The following KCNIP1 variants were observed in gnomAD, a reference collection of about 807,000 sequenced individuals.
KCNIP1 encodes potassium voltage-gated channel interacting protein 1.
A neutral mutation model predicts 33.0 loss-of-function variants in KCNIP1; 18 were observed. The ratio of observed to expected loss-of-function variants is 0.55; its 90% CI spans 0.38 to 0.81. The LOEUF is 0.81. Among genes scored for constraint, KCNIP1 ranks in the 30% least tolerant of loss-of-function variants. The pLI is 0.00. For synonymous variants in KCNIP1, 93 were observed against 98.3 expected (o/e 0.95, Z 0.32); for missense variants, 238 against 271.6 (o/e 0.88, Z 0.87).
chr5:170,503,975 T>G, upstream of KCNIP1: 76 of 646,478 alleles, frequency 1.2e-4, no homozygotes, highest in South Asian at 2.2e-4. Context: ...CGCCCCTCCG[T>G]AGTTGCCCGC....
At chr5:170,574,748 C>T (rs1757537132) in intron 1 of KCNIP1, among the ~76,000 whole-genome samples, 1 of 152,170 alleles carries the variant, frequency 6.6e-6, no homozygotes, top group African/African-American at 2.4e-5. Context: ...GGCCAGGACG[C>T]CATCCCATGG....
intron 1 of KCNIP1, among the ~76,000 whole-genome samples, chr5:170,711,727 T>C (rs10065880): frequency 0.14 from 20,567 of 152,126 alleles, 1,783 homozygotes; most frequent in African/African-American, 0.25. Context: ...AAATAAAGTA[T>C]ATTTATAAAA....
At chr5:170,526,579 A>G (rs768468549) in intron 1 of KCNIP1, among the ~76,000 whole-genome samples, 2 of 152,150 alleles carry the variant, frequency 1.3e-5, no homozygotes, top group Non-Finnish European at 2.9e-5. Context: ...GGAGTCACCA[A>G]TACAACTCAG....
At position 170,668,051 on chromosome 5, in the gene KCNIP1, G is replaced by A. The variant is rs1012034074; in HGVS notation, c.62-50707G>A. Among the ~76,000 whole-genome samples the A allele has an allele frequency of 3.3e-5, 5 of 152,314 alleles. No homozygotes were observed. The East Asian group carries it at 9.7e-4, about 29-fold the overall frequency. The stretch of plus-strand genomic sequence containing the variant: ...AAGGATCACACTGGCCACTTTCACA[G>A]GTTTTATCCCTAAAGGAAATCACAG... On this transcript the variant is annotated intron_variant, in intron 1 of 7. Transcript: ENST00000328939.
At chr5:170,726,885 T>C (rs1240556154) in intron 5 of KCNIP1, among the ~76,000 whole-genome samples, 1 of 151,822 alleles carries the variant, frequency 6.6e-6, no homozygotes, top group Non-Finnish European at 1.5e-5. Flanking sequence ...CACTCCAGCC[T>C]GGGTGACAGA....
chr5:170,671,539 G>A (rs1761922143), intron 1 of KCNIP1, among the ~76,000 whole-genome samples: 1 of 152,142 alleles, frequency 6.6e-6, no homozygotes, highest in South Asian at 2.1e-4. Context: ...TCTTTATGCT[G>A]TCATGGCCCT....
chr5:170,506,795 C>T (rs951148360), intron 1 of KCNIP1, among the ~76,000 whole-genome samples: 5 of 152,224 alleles, frequency 3.3e-5, no homozygotes, highest in Admixed American at 2.0e-4. Flanking sequence ...GGGCACTCAG[C>T]CCTTCCTGCA....
intron 1 of KCNIP1, among the ~76,000 whole-genome samples, chr5:170,550,105 T>C (rs1756553600): frequency 6.6e-6 from 1 of 152,136 alleles, no homozygotes; most frequent in Non-Finnish European, 1.5e-5. Flanking sequence ...CCTCAAATTG[T>C]TGGATCACAG....
At chr5:170,485,512 A>T (rs1757069354) in intron 1 of KCNIP1, among the ~76,000 whole-genome samples, 1 of 152,144 alleles carries the variant, frequency 6.6e-6, no homozygotes, top group Non-Finnish European at 1.5e-5. Context: ...CACATGGCCC[A>T]CCTTCAGGGT....
At chr5:170,556,148 G>A (rs933445804) in intron 1 of KCNIP1, among the ~76,000 whole-genome samples, 5 of 152,220 alleles carry the variant, frequency 3.3e-5, no homozygotes, top group African/African-American at 1.2e-4. Flanking sequence ...TATGAAGTAG[G>A]TGTTATTATC....
At chr5:170,553,502 T>G in intron 1 of KCNIP1, among the ~76,000 whole-genome samples, 1 of 152,196 alleles carries the variant, frequency 6.6e-6, no homozygotes, top group Non-Finnish European at 1.5e-5. Flanking sequence ...CATGTTCTTC[T>G]AGGCTGTACA....
At chr5:170,613,160 ATC>A (rs1759239177) in intron 1 of KCNIP1, among the ~76,000 whole-genome samples, 1 of 152,080 alleles carries the variant, frequency 6.6e-6, no homozygotes. Flanking sequence ...TCCAGCTTAA[ATC>A]TCTCTCCATG....
At chr5:170,708,757 G>A (rs1473949907) in intron 1 of KCNIP1, among the ~76,000 whole-genome samples, 2 of 152,158 alleles carry the variant, frequency 1.3e-5, no homozygotes, top group African/African-American at 4.8e-5. Flanking sequence ...AAACTAGCCA[G>A]GCATGGTGAC....
chr5:170,497,347 T>A (rs1182811345), intron 1 of KCNIP1, among the ~76,000 whole-genome samples: 3 of 152,154 alleles, frequency 2.0e-5, no homozygotes, highest in Non-Finnish European at 4.4e-5. Context: ...GTACCTATTT[T>A]ATAGATGTTG....
intron 1 of KCNIP1, among the ~76,000 whole-genome samples, chr5:170,697,299 G>A (rs1762929894): frequency 6.6e-6 from 1 of 152,114 alleles, no homozygotes; most frequent in South Asian, 2.1e-4. Flanking sequence ...GTGATTCTTA[G>A]GTTAAGTCCC....
At chr5:170,612,325 A>C (rs2113619074) in intron 1 of KCNIP1, among the ~76,000 whole-genome samples, 1 of 152,354 alleles carries the variant, frequency 6.6e-6, no homozygotes, top group Admixed American at 6.5e-5. Context: ...CAAAATGCCT[A>C]GCAAGCTCTC....
intron 1 of KCNIP1, among the ~76,000 whole-genome samples, chr5:170,480,393 A>G (rs1338364448): frequency 1.3e-5 from 2 of 152,204 alleles, no homozygotes; most frequent in Non-Finnish European, 2.9e-5. Flanking sequence ...CTAAGAATAT[A>G]AAAGTCCGTG....
chr5:170,629,670 C>T (rs1759975890), intron 1 of KCNIP1, among the ~76,000 whole-genome samples: 1 of 152,174 alleles, frequency 6.6e-6, no homozygotes, highest in Non-Finnish European at 1.5e-5. Flanking sequence ...CATCAGCATT[C>T]AGGCCTGGCC....
At chr5:170,699,889 C>G (rs562541569) in intron 1 of KCNIP1, among the ~76,000 whole-genome samples, 9 of 152,316 alleles carry the variant, frequency 5.9e-5, no homozygotes, top group Admixed American at 5.2e-4. Flanking sequence ...GCTGGCCCCA[C>G]AGAGCCATCC....
Sources: allele counts gnomAD v4.1 joint callset (sites outside exome capture counted in the v4.1 genomes callset), GRCh38; gene constraint gnomAD v4.1.1; transcripts MANE v1.5; gene names NCBI Gene and HGNC (gene_info 2026-07-23, HGNC 2026-07-21).